CHL1: variants seen among roughly 807,000 people sequenced by gnomAD.
The protein encoded by CHL1 is cell adhesion molecule L1 like.
CHL1 carries 96 observed loss-of-function variants against 141.9 expected under a neutral mutation model. That is an observed-to-expected ratio of 0.68 (90% CI 0.57 to 0.80). The LOEUF is 0.80. CHL1 is among the 30% of genes least tolerant of loss of function. The pLI is 0.00. For synonymous variants in CHL1, 613 were observed against 502.2 expected, an observed-to-expected ratio of 1.22 and a Z score of -2.95; for missense variants, 1,820 against 1,457.2, an observed-to-expected ratio of 1.25 and a Z score of -4.05.
intron 17 of CHL1, 36 bp downstream of exon 17, chr3:382,316 A>G (rs756360529): frequency 2.6e-6 from 4 of 1,566,972 alleles, no homozygotes; most frequent in Non-Finnish European, 1.8e-6. Context: ...TCATTACTCT[A>G]GATAGTCAAA....
chr3:376,737 T>G (rs1162180633), intron 15 of CHL1, among the ~76,000 whole-genome samples: 1 of 152,198 alleles, frequency 6.6e-6, no homozygotes, highest in Non-Finnish European at 1.5e-5. Context: ...TATTCTAATA[T>G]TGTATCAAAT....
intron 1 of CHL1, among the ~76,000 whole-genome samples, chr3:209,672 G>A (rs1341250746): frequency 6.6e-6 from 1 of 152,082 alleles, no homozygotes; most frequent in Non-Finnish European, 1.5e-5. Context: ...CCATTAACTC[G>A]TCGTTTACAT....
At position 304,095 on chromosome 3, in the gene CHL1, AGCTTTTTGATGTGCT is replaced by A. The variant is rs373909777; in HGVS notation, c.-94-15569_-94-15555del. Among the ~76,000 whole-genome samples, 732 of 152,132 alleles carry A rather than the reference AGCTTTTTGATGTGCT, an allele frequency of 4.8e-3. 11 individuals are homozygous for A. The highest frequency in any genetic ancestry group is 0.017 in the African/African-American group (696 of 41,498). On this transcript the variant is annotated intron_variant, in intron 2 of 27. Coordinates refer to ENST00000256509, the MANE Select transcript of CHL1 (RefSeq NM_006614.4). ...GAAGCCAACTTCGTACCTGGTGGTA[AGCTTTTTGATGTGCT>A]GCTTTTTGATGTGCTGCTGGATTCC... is the stretch of plus-strand genomic sequence containing the variant.
At chr3:362,006 C>T (rs1040097916) in intron 13 of CHL1, among the ~76,000 whole-genome samples, 196 bp downstream of exon 13, 1 of 152,118 alleles carries the variant, frequency 6.6e-6, no homozygotes, top group Non-Finnish European at 1.5e-5. Flanking sequence ...CTAGGATTTT[C>T]TCACATAGAG....
chr3:335,748 T>C (rs1049306162), intron 5 of CHL1, among the ~76,000 whole-genome samples: 1 of 152,258 alleles, frequency 6.6e-6, no homozygotes, highest in Non-Finnish European at 1.5e-5. Flanking sequence ...TTCTTCCTTC[T>C]GTCCTTCTAC....
intron 12 of CHL1, among the ~76,000 whole-genome samples, chr3:361,016 A>T (rs545201410): frequency 6.6e-6 from 1 of 151,936 alleles, no homozygotes; most frequent in Non-Finnish European, 1.5e-5. Context: ...GTTGGTTCCA[A>T]GTCTTTGCTA....
intron 16 of CHL1, among the ~76,000 whole-genome samples, chr3:378,167 A>G (rs1470388937): frequency 2.0e-5 from 3 of 152,192 alleles, no homozygotes; most frequent in Non-Finnish European, 4.4e-5. Flanking sequence ...TAATTTGCCA[A>G]TAGCAGTGGG....
At chr3:354,153 T>C (rs1011212770) in intron 10 of CHL1, among the ~76,000 whole-genome samples, 2 of 152,204 alleles carry the variant, frequency 1.3e-5, no homozygotes, top group African/African-American at 4.8e-5. Context: ...GTATAAATGC[T>C]ATAAGATCAC....
At chr3:221,661 A>G (rs1700853163) in intron 1 of CHL1, among the ~76,000 whole-genome samples, 1 of 152,248 alleles carries the variant, frequency 6.6e-6, no homozygotes, top group Non-Finnish European at 1.5e-5. Flanking sequence ...CTTATGCATC[A>G]ACAGTACTTG....
intron 2 of CHL1, among the ~76,000 whole-genome samples, chr3:313,780 CAT>C (rs1473245374): frequency 2.6e-5 from 4 of 152,070 alleles, no homozygotes; most frequent in African/African-American, 9.7e-5. Flanking sequence ...CCAGTGGAAA[CAT>C]AATGCAAAGT....
intron 5 of CHL1, among the ~76,000 whole-genome samples, chr3:336,440 C>G (rs1006222356): frequency 7.9e-5 from 12 of 152,082 alleles, no homozygotes; most frequent in Non-Finnish European, 1.8e-4. Context: ...TGGCATTTCA[C>G]TACTACTCTT....
intron 2 of CHL1, among the ~76,000 whole-genome samples, chr3:273,732 A>T (rs956797256): frequency 2.0e-5 from 3 of 152,040 alleles, no homozygotes; most frequent in Non-Finnish European, 4.4e-5. Context: ...AATGCTTCTT[A>T]TTTTTAAGTT....
chr3:208,265 C>T (rs1339614796), intron 1 of CHL1, among the ~76,000 whole-genome samples: 1 of 152,090 alleles, frequency 6.6e-6, no homozygotes, highest in Non-Finnish European at 1.5e-5. Context: ...ATTTTTTCTG[C>T]AGTGTAATTT....
chr3:356,801 C>G (rs1311492095), intron 11 of CHL1, among the ~76,000 whole-genome samples: 1 of 152,110 alleles, frequency 6.6e-6, no homozygotes, highest in Non-Finnish European at 1.5e-5. Context: ...GATCCGCCAG[C>G]AGGGGAAGGG....
rs1707167400 is a variant in CHL1 at position 382,467 on chromosome 3, C to G, written c.1979-7C>G. The G allele has an allele frequency of 6.2e-7, 1 of 1,610,298 alleles. No homozygotes were observed. Among genetic ancestry groups the G allele is most frequent in the African/African-American group, 1.3e-5 (1 of 74,768 alleles). Reference sequence around the variant, plus strand: ...TTCTAATATTTTTTCCCTGTTTATACTACCAGAGTATATTGTTGAATTTGA... The same window carrying G: ...TTCTAATATTTTTTCCCTGTTTATAGTACCAGAGTATATTGTTGAATTTGA... On this transcript the variant is annotated splice_polypyrimidine_tract_variant and splice_region_variant and intron_variant, in intron 17 of 27. Coordinates refer to ENST00000256509, the MANE Select transcript of CHL1 (RefSeq NM_006614.4).
chr3:307,001 A>C (rs933273764), intron 2 of CHL1, among the ~76,000 whole-genome samples: 1 of 152,196 alleles, frequency 6.6e-6, no homozygotes, highest in Non-Finnish European at 1.5e-5. Flanking sequence ...GTTAAGGCTA[A>C]TGGTGTATAA....
At chr3:403,984 G>A (rs556730708) in intron 27 of CHL1, among the ~76,000 whole-genome samples, 6 of 152,116 alleles carry the variant, frequency 3.9e-5, no homozygotes, top group Admixed American at 1.3e-4. Flanking sequence ...TAATTCAAGA[G>A]CCAATTATCG....
intron 2 of CHL1, among the ~76,000 whole-genome samples, chr3:310,906 C>G (rs917027864): frequency 6.6e-6 from 1 of 152,202 alleles, no homozygotes; most frequent in Admixed American, 6.5e-5. Context: ...TCCCTTAACC[C>G]CTCACAACCA....
chr3:387,302 C>T (rs965793928), intron 19 of CHL1, among the ~76,000 whole-genome samples: 2 of 152,228 alleles, frequency 1.3e-5, no homozygotes, highest in Non-Finnish European at 2.9e-5. Flanking sequence ...ACTCCTTCCT[C>T]GTGGGCTCCT....
Sources: gnomAD v4.1 joint callset for allele counts (sites outside exome capture counted in the v4.1 genomes callset) on GRCh38, gnomAD v4.1.1 for gene constraint, MANE v1.5 for transcripts, NCBI Gene and HGNC (gene_info 2026-07-23, HGNC 2026-07-21) for gene names.